NRG2: variants seen among roughly 807,000 people sequenced by gnomAD.
NRG2 encodes the protein pro-neuregulin-2, membrane-bound isoform.
Under a neutral mutation model 73.9 loss-of-function variants are expected in NRG2, and 27 were observed. The observed-to-expected ratio is 0.37, with a 90% CI of 0.27 to 0.50. The LOEUF is 0.50. Among genes scored for constraint, NRG2 ranks in the 20% least tolerant of loss-of-function variants. The pLI is 0.96. For synonymous variants in NRG2, 532 were observed against 541.0 expected (o/e 0.98, Z 0.23); for missense variants, 1,126 against 1,210.1 (o/e 0.93, Z 1.03).
chr5:139,916,416 T>C (rs1021294007), intron 1 of NRG2, among the ~76,000 whole-genome samples: 6 of 152,232 alleles, frequency 3.9e-5, no homozygotes, highest in African/African-American at 1.4e-4. Context: ...TCACATGCCA[T>C]GCAAATGACC....
rs1181281761 is a variant in NRG2, at chr5:139,954,605, A to G, written c.701-67094T>C. On this transcript the variant is annotated intron_variant, in intron 1 of 9. Transcript: ENST00000361474. This position sits in a 1 kb window ranked among gnomAD's most constrained non-coding sequence, Gnocchi z 5.0. ...GATTTAGCAACCCTGGACGTCATCA[A>G]TCCTCACTCCCATGGCTCTCCAGGC... Among the ~76,000 whole-genome samples the G allele has an allele frequency of 2.0e-5, 3 of 152,282 alleles. No homozygotes were observed. Among genetic ancestry groups the G allele is most frequent in the African/African-American group, 2.4e-5 (1 of 41,564 alleles).
At chr5:140,013,650 CCTTCT>C (rs1449844624) in intron 1 of NRG2, among the ~76,000 whole-genome samples, 1 of 152,180 alleles carries the variant, frequency 6.6e-6, no homozygotes, top group Non-Finnish European at 1.5e-5. Flanking sequence ...GCAATAAATT[CCTTCT>C]CTTCTCTTCC....
intron 1 of NRG2, among the ~76,000 whole-genome samples, chr5:139,970,220 C>T (rs1755864984): frequency 6.6e-6 from 1 of 152,126 alleles, no homozygotes; most frequent in Non-Finnish European, 1.5e-5. Context: ...AAACATCAAC[C>T]AAGATGGTGG....
At chr5:139,917,113 A>G (rs1751311812) in intron 1 of NRG2, among the ~76,000 whole-genome samples, 1 of 152,166 alleles carries the variant, frequency 6.6e-6, no homozygotes, top group Non-Finnish European at 1.5e-5. Flanking sequence ...AGCTATCCCA[A>G]TGGATGTGAA....
In NRG2 at chr5:140,005,370, G is replaced by T. The variant is rs74704013; in HGVS notation, c.700+37000C>A. Among the ~76,000 whole-genome samples, 6 of 152,256 alleles carry T rather than the reference G, an allele frequency of 3.9e-5. No individual in the cohort carries two copies. The East Asian group carries it at 7.7e-4, about 20-fold the overall frequency. ...AGCTGGTGCTTCCCCATACTCTCAC[G>T]CCTCAGCAGCGTGGCAAAACCAACA... On this transcript the variant is annotated intron_variant, in intron 1 of 9. Coordinates refer to ENST00000361474, the MANE Select transcript of NRG2 (RefSeq NM_004883.3).
chr5:139,952,830 CA>C, intron 1 of NRG2, among the ~76,000 whole-genome samples: 2 of 152,106 alleles, frequency 1.3e-5, no homozygotes, highest in African/African-American at 2.4e-5. Flanking sequence ...CAGCCTCTAG[CA>C]GAGGAGGCTG....
Position 139,848,643 on chromosome 5 carries a change from G to A in NRG2, c.1827C>T (p.Tyr609=), listed in dbSNP as rs1449720898. Residue 609 remains tyrosine (Y), a synonymous_variant, in exon 10 of 10, where the codon TAC becomes TAT. Coordinates refer to ENST00000361474, the MANE Select transcript of NRG2 (RefSeq NM_004883.3). ...PARLSPVDFH[Y]SLATQVPTFE... Reference sequence around the variant, plus strand: ...AAGTTGGCACCTGCGTGGCCAGCGAGTAGTGGAAGTCCACGGGCGAGAGGC... The same window carrying A: ...AAGTTGGCACCTGCGTGGCCAGCGAATAGTGGAAGTCCACGGGCGAGAGGC... The A allele has an allele frequency of 1.9e-6, 3 of 1,576,176 alleles. No homozygotes were observed. The highest frequency in any genetic ancestry group is 3.4e-5 in the Admixed American group (2 of 58,190).
chr5:140,030,139 A>G (rs1351469384), intron 1 of NRG2, among the ~76,000 whole-genome samples: 2 of 152,140 alleles, frequency 1.3e-5, no homozygotes, highest in South Asian at 2.1e-4. Context: ...CCCTCTTACA[A>G]TGACAACACT....
chr5:140,023,524 T>C (rs1228007523), intron 1 of NRG2, among the ~76,000 whole-genome samples: 1 of 152,222 alleles, frequency 6.6e-6, no homozygotes, highest in Non-Finnish European at 1.5e-5. Context: ...TTTATGTCAC[T>C]TGCTACTGAT....
chr5:139,891,677 G>C (rs1764220074), intron 1 of NRG2, among the ~76,000 whole-genome samples: 1 of 152,008 alleles, frequency 6.6e-6, no homozygotes, highest in African/African-American at 2.4e-5. Flanking sequence ...GAATGAGCTT[G>C]ATGAGTTCAT....
At chr5:139,872,065 G>A (rs1762887856) in intron 3 of NRG2, among the ~76,000 whole-genome samples, 1 of 152,198 alleles carries the variant, frequency 6.6e-6, no homozygotes, top group African/African-American at 2.4e-5. Flanking sequence ...CAAGCTCTAG[G>A]CAAACTTCCA....
At chr5:139,977,825 C>G (rs1250873824) in intron 1 of NRG2, among the ~76,000 whole-genome samples, 1 of 152,056 alleles carries the variant, frequency 6.6e-6, no homozygotes, top group Non-Finnish European at 1.5e-5. Context: ...ACAAACCTGA[C>G]AAAAACAAGA....
rs1410511036 is a variant in NRG2 at position 140,042,804 on chromosome 5, G to A, written c.266C>T (p.Ala89Val). The A allele has an allele frequency of 1.3e-6, 2 of 1,500,110 alleles. No homozygotes were observed. The highest frequency in any genetic ancestry group is 8.9e-7 in the Non-Finnish European group (1 of 1,127,556). 92.9% of individuals were successfully genotyped at this position (1,500,110 alleles called of 1,614,324 possible). A position where few individuals can be genotyped will look rare whatever the true frequency, so the allele number is the denominator to read the frequency against. ...RRAAARSRAA[A>V]AGGMRRDPAP... Reference sequence around the variant, plus strand: ...CGGGTCGCGCCTCATGCCGCCGGCGGCTGCGGCTCGCGAACGGGCGGCGGC... The same window carrying A: ...CGGGTCGCGCCTCATGCCGCCGGCGACTGCGGCTCGCGAACGGGCGGCGGC... The change falls in exon 1 of 10, where the codon GCC becomes GTC. Residue 89 changes from alanine (A) to valine (V), a missense_variant. Around this residue, in one of 3 missense-constraint regions of NRG2, gnomAD observed 185 missense variants for 149.0 expected, o/e 1.24. Transcript: ENST00000361474.
chr5:139,955,388 A>G (rs1357284663), intron 1 of NRG2, among the ~76,000 whole-genome samples: 1 of 152,126 alleles, frequency 6.6e-6, no homozygotes, highest in African/African-American at 2.4e-5. Flanking sequence ...GGTGATGCAT[A>G]TGGAAACTAC....
rs1462864851 is a variant in NRG2, at chr5:139,887,132, A to G, written c.872+208T>C. 6.6e-6 allele frequency among the ~76,000 whole-genome samples: 1 copy of G among 152,226 alleles called. No homozygotes were observed. The highest frequency in any genetic ancestry group is 2.4e-5 in the African/African-American group (1 of 41,456). ...GGCTTAATTCTTGTCTGTGGTCTGC[A>G]AGACCCTGGGCCACCATGACCAGAG... On this transcript the variant is annotated intron_variant, in intron 2 of 9. Transcript: ENST00000361474. The surrounding 1 kb of genome is among the most constrained non-coding windows in gnomAD (Gnocchi z 4.5).
intron 5 of NRG2, among the ~76,000 whole-genome samples, chr5:139,863,153 T>A (rs1762259320): frequency 6.6e-6 from 1 of 152,204 alleles, no homozygotes; most frequent in Admixed American, 6.5e-5. Flanking sequence ...GGCATAAATG[T>A]CATCATCCCC....
intron 1 of NRG2, among the ~76,000 whole-genome samples, chr5:139,922,155 A>G (rs751759940): frequency 4.6e-5 from 7 of 152,138 alleles, no homozygotes; most frequent in Non-Finnish European, 8.8e-5. Context: ...ATAAACAGAT[A>G]AAATATTTGC....
Position 139,852,890 on chromosome 5 carries a change from G to A in NRG2, c.1416+14C>T. ...ACTGAGGGCTCAGAAGGGGGCCCCA[G>A]GAAAGCCACTCACATCTGCCATCTG... On this transcript the variant is annotated intron_variant, in intron 7 of 9. Transcript: ENST00000361474. The surrounding 1 kb of genome is among the most constrained non-coding windows in gnomAD (Gnocchi z 4.4). The A allele has an allele frequency of 2.5e-6, 4 of 1,613,262 alleles. No homozygotes were observed. The highest frequency in any genetic ancestry group is 3.4e-6 in the Non-Finnish European group (4 of 1,179,756).
intron 1 of NRG2, among the ~76,000 whole-genome samples, chr5:140,018,323 T>A (rs1465533249): frequency 6.6e-6 from 1 of 151,880 alleles, no homozygotes; most frequent in African/African-American, 2.4e-5. Context: ...AAAACAGCAA[T>A]GAAGTAGAAG....
Sources: allele counts gnomAD v4.1 joint callset (sites outside exome capture counted in the v4.1 genomes callset), GRCh38; gene constraint gnomAD v4.1.1; regional missense constraint gnomAD v4.1.1; non-coding constraint Gnocchi (gnomAD v3.1); transcripts MANE v1.5; gene names NCBI Gene and HGNC (gene_info 2026-07-23, HGNC 2026-07-21).